The following LRP1B variants were observed in gnomAD, a reference collection of about 807,000 sequenced individuals.
LRP1B encodes the protein low-density lipoprotein receptor-related protein 1B.
A neutral mutation model predicts 556.6 loss-of-function variants in LRP1B; 217 were observed. That is an observed-to-expected ratio of 0.39 (90% CI 0.35 to 0.44). LRP1B has a LOEUF of 0.44. Ranked by LOEUF, LRP1B falls within the 20% of genes least tolerant of loss-of-function variation. LRP1B has a pLI of 1.00. For missense variants in LRP1B, 5,053 were observed against 5,620.8 expected (o/e 0.90, Z 3.23); for synonymous variants, 2,047 against 1,865.8 (o/e 1.10, Z -2.50).
chr2:141,014,107 T>C (rs533176295), intron 13 of LRP1B, among the ~76,000 whole-genome samples: 28 of 152,092 alleles, frequency 1.8e-4, no homozygotes, highest in Non-Finnish European at 3.7e-4. Context: ...TTCAGTATCA[T>C]ATCCTGGGAT....
chr2:140,972,322 C>T (rs1696450987), intron 18 of LRP1B, among the ~76,000 whole-genome samples: 1 of 152,080 alleles, frequency 6.6e-6, no homozygotes, highest in African/African-American at 2.4e-5. Context: ...ATCTACAGGA[C>T]ATAAGCACGA....
chr2:140,674,380 A>T lies in LRP1B; in HGVS notation c.6799+25870T>A, dbSNP rs185714861. Among the ~76,000 whole-genome samples, 480 of 152,302 alleles carry T rather than the reference A, an allele frequency of 3.2e-3. 3 individuals are homozygous for T. The highest frequency in any genetic ancestry group is 0.011 in the African/African-American group (464 of 41,580). ...AACACCTTTTAAAGGTCTGAATAGG[A>T]CATATTTGCTATCTATTATCTCTAA... On this transcript the variant is annotated intron_variant, in intron 41 of 90. Coordinates refer to ENST00000389484, the MANE Select transcript of LRP1B (RefSeq NM_018557.3).
chr2:140,592,691 A>G (rs1181092639), intron 43 of LRP1B, among the ~76,000 whole-genome samples: 1 of 152,214 alleles, frequency 6.6e-6, no homozygotes, highest in African/African-American at 2.4e-5. Flanking sequence ...ATAGATGCAT[A>G]TAGATGATAA....
chr2:141,178,440 T>G (rs1391451185), intron 7 of LRP1B, among the ~76,000 whole-genome samples: 1 of 152,110 alleles, frequency 6.6e-6, no homozygotes, highest in Non-Finnish European at 1.5e-5. Context: ...CACAGGACAG[T>G]GGATTCAGAT....
At chr2:141,648,150 G>C (rs1689649780) in intron 2 of LRP1B, among the ~76,000 whole-genome samples, 1 of 151,940 alleles carries the variant, frequency 6.6e-6, no homozygotes. Context: ...CTTGAGTTTT[G>C]TGCTGTGAAG....
At chr2:141,430,884 C>G (rs1048782275) in intron 3 of LRP1B, among the ~76,000 whole-genome samples, 1 of 151,908 alleles carries the variant, frequency 6.6e-6, no homozygotes, top group African/African-American at 2.4e-5. Flanking sequence ...AATCCCAGCA[C>G]TTTGGGAGGC....
chr2:141,818,210 T>C (rs537293860), intron 1 of LRP1B, among the ~76,000 whole-genome samples: 20 of 152,320 alleles, frequency 1.3e-4, no homozygotes, highest in Admixed American at 3.3e-4. Flanking sequence ...GAGAACAGAA[T>C]TCTTGTAGAG....
chr2:140,778,665 A>C (rs892667239), intron 32 of LRP1B, among the ~76,000 whole-genome samples: 14 of 152,158 alleles, frequency 9.2e-5, no homozygotes, highest in African/African-American at 3.4e-4. Flanking sequence ...ATAAAAATTT[A>C]ATGATATGCT....
At chr2:140,635,226 T>C (rs1684030245) in intron 41 of LRP1B, among the ~76,000 whole-genome samples, 1 of 152,206 alleles carries the variant, frequency 6.6e-6, no homozygotes, top group Admixed American at 6.5e-5. Context: ...GTAGAAAATA[T>C]ACCACATAGA....
intron 27 of LRP1B, among the ~76,000 whole-genome samples, chr2:140,858,918 T>C (rs2105136509): frequency 6.6e-6 from 1 of 152,310 alleles, no homozygotes; most frequent in South Asian, 2.1e-4. Flanking sequence ...ATAATCTCAT[T>C]CCTTTTTATG....
intron 63 of LRP1B, among the ~76,000 whole-genome samples, chr2:140,445,408 C>A (rs143231759): frequency 5.3e-5 from 8 of 152,232 alleles, no homozygotes; most frequent in African/African-American, 1.7e-4. Flanking sequence ...AGTCACTGCA[C>A]CTGGCCCACG....
intron 1 of LRP1B, among the ~76,000 whole-genome samples, chr2:141,966,925 G>C (rs774504807): frequency 1.4e-4 from 22 of 151,788 alleles, no homozygotes; most frequent in Non-Finnish European, 2.4e-4. Flanking sequence ...GTTCAGGATG[G>C]TGCTGGCTTC....
intron 3 of LRP1B, among the ~76,000 whole-genome samples, chr2:141,256,873 C>A (rs561105445): frequency 6.6e-6 from 1 of 151,650 alleles, no homozygotes; most frequent in African/African-American, 2.4e-5. Flanking sequence ...GTCATTGAAA[C>A]CTAAAAAGTA....
chr2:141,380,473 C>A (rs1174995909), intron 3 of LRP1B, among the ~76,000 whole-genome samples: 1 of 152,164 alleles, frequency 6.6e-6, no homozygotes, highest in African/African-American at 2.4e-5. Flanking sequence ...TTCAACTTCT[C>A]CTAAGATGTT....
chr2:141,051,478 G>T (rs1177640813), intron 10 of LRP1B, among the ~76,000 whole-genome samples: 2 of 151,870 alleles, frequency 1.3e-5, no homozygotes, highest in African/African-American at 2.4e-5. Flanking sequence ...CCTTTGCAGG[G>T]ATACAGATGA....
intron 41 of LRP1B, among the ~76,000 whole-genome samples, chr2:140,693,719 G>A (rs769215823): frequency 3.4e-4 from 52 of 151,472 alleles, no homozygotes; most frequent in African/African-American, 1.1e-3. Context: ...GGTGGGTGGC[G>A]GGGGGGCGTG....
At chr2:140,832,359 CAA>C (rs1204366670) in intron 31 of LRP1B, among the ~76,000 whole-genome samples, 2 of 151,996 alleles carry the variant, frequency 1.3e-5, no homozygotes, top group Non-Finnish European at 2.9e-5. Context: ...GAAGATTCTC[CAA>C]AAGACTAAAA....
chr2:141,056,136 T>C (rs1038369921), intron 9 of LRP1B, among the ~76,000 whole-genome samples: 118 of 151,936 alleles, frequency 7.8e-4, no homozygotes, highest in Non-Finnish European at 1.5e-4. Flanking sequence ...CTATTATCTT[T>C]GTATTCTTCA....
intron 35 of LRP1B, among the ~76,000 whole-genome samples, chr2:140,749,156 C>T (rs1474058159): frequency 6.6e-6 from 1 of 151,840 alleles, no homozygotes; most frequent in African/African-American, 2.4e-5. Flanking sequence ...AAAAATGGTA[C>T]ACATATATAA....
Sources: gnomAD v4.1 joint callset for allele counts (sites outside exome capture counted in the v4.1 genomes callset) on GRCh38, gnomAD v4.1.1 for gene constraint, MANE v1.5 for transcripts, NCBI Gene and HGNC (gene_info 2026-07-23, HGNC 2026-07-21) for gene names.